ZNF404: variants seen among roughly 807,000 people sequenced by gnomAD.
ZNF404 encodes the protein zinc finger protein 404.
Under a neutral mutation model 7.3 loss-of-function variants are expected in ZNF404, and 7 were observed. The ratio of observed to expected loss-of-function variants is 0.95; its 90% CI spans 0.54 to 1.79. The LOEUF (loss-of-function observed/expected upper bound fraction) is 1.79. Ranked by LOEUF, ZNF404 falls within the 40% of genes most tolerant of loss-of-function variation. The pLI, the probability that ZNF404 is intolerant of heterozygous loss-of-function variation, is 0.00. For missense variants in ZNF404, 560 were observed against 661.5 expected (o/e 0.85, Z 1.68); for synonymous variants, 191 against 209.9 (o/e 0.91, Z 0.78).
chr19:43,880,118 C>A lies in ZNF404; in HGVS notation c.28G>T (p.Asp10Tyr). The change falls in exon 2 of 3, where the codon GAT (aspartate) becomes TAT (tyrosine). Residue 10 changes from aspartate (D) to tyrosine (Y), a missense_variant. By Grantham distance (160) the Asp-to-Tyr change is radical. Transcript: ENST00000587539. ...TCCTGAGAGAAGTCTATGGCAACAT[C>A]GCTGAATGTCAATGGCACCTGAAAT... The part of the protein sequence containing the change: MARVPLTFS[D>Y]VAIDFSQEEW... The A allele has an allele frequency of 6.2e-7, 1 of 1,611,664 alleles. No individual in the cohort carries two copies. The highest frequency in any genetic ancestry group is 1.3e-5 in the African/African-American group (1 of 74,904).
intron 2 of ZNF404, among the ~76,000 whole-genome samples, chr19:43,879,005 A>G (rs1218196002): frequency 6.6e-6 from 1 of 152,222 alleles, no homozygotes; most frequent in African/African-American, 2.4e-5. Context: ...TAACTTGAAG[A>G]TGCATTAACA....
intron 2 of ZNF404, among the ~76,000 whole-genome samples, chr19:43,876,596 T>C (rs937077796): frequency 1.3e-5 from 2 of 152,122 alleles, no homozygotes; most frequent in Non-Finnish European, 2.9e-5. Context: ...TGAATCTTCC[T>C]GAAAATAAAA....
At chr19:43,880,223 TA>T (rs1235022396) in intron 1 of ZNF404, 87 bp from the exon 2 acceptor site, 2 of 1,157,014 alleles carry the variant, frequency 1.7e-6, no homozygotes, top group Non-Finnish European at 2.5e-6. Context: ...GGGCAATATG[TA>T]AAAAGAAGTA....
rs562731766 is a variant in ZNF404 at position 43,872,860 on chromosome 19, A to AATT, written c.1351_1353dup (p.Asn451dup). 346 of 1,607,876 alleles carry AATT rather than the reference A, an allele frequency of 2.2e-4. 1 individual carries two copies. Among genetic ancestry groups the AATT allele is most frequent in the Non-Finnish European group, 2.8e-4 (331 of 1,176,604 alleles). ...ATTGTCTGATGATAAATTAGTTGAG[A>AATT]ATTAAGTCTAAAGGTTTTTCCACAT... On this transcript the variant is annotated inframe_insertion, in exon 3 of 3. Transcript: ENST00000587539. This position sits in a 1 kb window ranked among gnomAD's most constrained non-coding sequence, Gnocchi z 4.4.
chr19:43,878,280 T>C (rs1368380586), intron 2 of ZNF404, among the ~76,000 whole-genome samples: 1 of 149,716 alleles, frequency 6.7e-6, no homozygotes, highest in African/African-American at 2.5e-5. Flanking sequence ...CCATTCTAAC[T>C]GGTGTGAGAT....
rs557978739 is a variant in ZNF404, at chr19:43,880,108, A to G, written c.38T>C (p.Ile13Thr). The stretch of plus-strand genomic sequence containing the variant: ...TTCCCACTCCTCCTGAGAGAAGTCT[A>G]TGGCAACATCGCTGAATGTCAATGG... The part of the protein sequence containing the change: ...RVPLTFSDVA[I>T]DFSQEEWEYL... Residue 13 changes from isoleucine (I) to threonine (T), a missense_variant, in exon 2 of 3, where the codon ATA (isoleucine) becomes ACA (threonine). Ile to Thr is a moderately conservative substitution (Grantham distance 89, BLOSUM62 -1). Coordinates refer to ENST00000587539, the MANE Select transcript of ZNF404 (RefSeq NM_001033719.3). 3 of 1,613,402 alleles carry G rather than the reference A, an allele frequency of 1.9e-6. No individual in the cohort carries two copies. Among genetic ancestry groups the G allele is most frequent in the East Asian group, 2.2e-5 (1 of 44,850 alleles).
chr19:43,875,605 A>C (rs1971846155), intron 2 of ZNF404, among the ~76,000 whole-genome samples: 1 of 152,214 alleles, frequency 6.6e-6, no homozygotes, highest in African/African-American at 2.4e-5. Flanking sequence ...TGCAACAAAG[A>C]ATATATTGGA....
Position 43,883,937 on chromosome 19 carries a change from A to G in ZNF404, c.9+19T>C, listed in dbSNP as rs1971918298. 1.3e-6 allele frequency: 2 copies of G among 1,598,968 alleles called. No individual in the cohort carries two copies. The highest frequency in any genetic ancestry group is 4.5e-5 in the East Asian group (2 of 44,856). ...AAAAATCACAATAAGTCAGAAAAGC[A>G]AAAGAGACATCAACTCACCCGGGCC... On this transcript the variant is annotated intron_variant, in intron 1 of 2. Transcript: ENST00000587539.
At chr19:43,879,166 A>C (rs1315221958) in intron 2 of ZNF404, among the ~76,000 whole-genome samples, 1 of 152,234 alleles carries the variant, frequency 6.6e-6, no homozygotes, top group African/African-American at 2.4e-5. Flanking sequence ...AGGAAAGCAA[A>C]TAAAAGAATG....
intron 1 of ZNF404, among the ~76,000 whole-genome samples, chr19:43,882,965 G>A (rs188874491): frequency 1.1e-3 from 165 of 152,054 alleles, no homozygotes; most frequent in Non-Finnish European, 1.7e-3. Flanking sequence ...GCTGGGCATG[G>A]TGGCAGGTGC....
At chr19:43,876,659 A>C (rs1313839525) in intron 2 of ZNF404, among the ~76,000 whole-genome samples, 1 of 152,220 alleles carries the variant, frequency 6.6e-6, no homozygotes, top group Non-Finnish European at 1.5e-5. Context: ...AGCAAACAGA[A>C]TATGAAAAGG....
At position 43,872,481 on chromosome 19, in the gene ZNF404, A is replaced by T; in HGVS notation, c.*74T>A. The T allele has an allele frequency of 1.7e-6, 2 of 1,176,510 alleles. No individual in the cohort carries two copies. Among genetic ancestry groups the T allele is most frequent in the Non-Finnish European group, 1.2e-6 (1 of 856,020 alleles). 72.9% of individuals were successfully genotyped at this position (1,176,510 alleles called of 1,614,324 possible). On this transcript the variant is annotated 3_prime_UTR_variant, in exon 3 of 3. Coordinates refer to ENST00000587539, the MANE Select transcript of ZNF404 (RefSeq NM_001033719.3). The surrounding 1 kb of genome is among the most constrained non-coding windows in gnomAD (Gnocchi z 4.4). ...CAAGTATTTATATTCTATATTAACTAGTTTAATCTTCACTATAGCATCATA... is the reference window on the plus strand; with the variant it reads ...CAAGTATTTATATTCTATATTAACTTGTTTAATCTTCACTATAGCATCATA...
intron 1 of ZNF404, 35 bp from the exon 2 acceptor site, chr19:43,880,171 TA>T (rs1391937123): frequency 1.3e-6 from 2 of 1,566,152 alleles, no homozygotes; most frequent in African/African-American, 1.4e-5. Flanking sequence ...TTTGTAAAAG[TA>T]AAGAAGACTT....
In ZNF404 at chr19:43,879,989, A is replaced by G. The variant is rs756868122; in HGVS notation, c.136+21T>C. The G allele has an allele frequency of 1.1e-5, 17 of 1,612,740 alleles. No homozygotes were observed. In the African/African-American group the frequency reaches 2.1e-4, roughly 20 times the overall value. On this transcript the variant is annotated intron_variant, in intron 2 of 2. Coordinates refer to ENST00000587539, the MANE Select transcript of ZNF404 (RefSeq NM_001033719.3). ...TATTCTAGAGAGCATATTGTACATC[A>G]TTTTGTGCAGATATTCTTACCCAAT...
intron 1 of ZNF404, among the ~76,000 whole-genome samples, chr19:43,883,689 C>T (rs1310575822): frequency 6.6e-6 from 1 of 152,180 alleles, no homozygotes; most frequent in Non-Finnish European, 1.5e-5. Context: ...TTTCAAGGTA[C>T]TTCACTCTTT....
chr19:43,883,887 A>G, intron 1 of ZNF404, 69 bp downstream of exon 1: 1 of 1,560,644 alleles, frequency 6.4e-7, no homozygotes, highest in South Asian at 1.1e-5. Context: ...TCAGGATTAA[A>G]AAAATGAAAA....
In ZNF404 at chr19:43,880,150, C is replaced by T. The variant is rs775273154; in HGVS notation, c.10-14G>A. The T allele has an allele frequency of 4.4e-5, 70 of 1,595,800 alleles. No individual in the cohort carries two copies. The highest frequency in any genetic ancestry group is 2.6e-4 in the South Asian group (23 of 87,874). ...TGTCAATGGCACCTGAAATGACAAA[C>T]CTGTGTATTATTTGTAAAAGTAAAG... On this transcript the variant is annotated splice_polypyrimidine_tract_variant and intron_variant, in intron 1 of 2. Coordinates refer to ENST00000587539, the MANE Select transcript of ZNF404 (RefSeq NM_001033719.3).
chr19:43,873,113 G>A lies in ZNF404; in HGVS notation c.1101C>T (p.Gly367=). ...TTCTCTGATGCTGTGTAAGTTGAGA[G>A]CCTCTACAAAAGGCCTTTCCACAAT... The part of the protein sequence containing the change: ...CKDCGKAFCR[G]SQLTQHQRIH... The change falls in exon 3 of 3, where the codon GGC becomes GGT. Residue 367 remains glycine (G), a synonymous_variant. Transcript: ENST00000587539. The A allele has an allele frequency of 1.9e-6, 3 of 1,613,098 alleles. No homozygotes were observed. In the South Asian group the frequency reaches 3.3e-5, roughly 18 times the overall value.
At chr19:43,877,650 G>T in intron 2 of ZNF404, among the ~76,000 whole-genome samples, 1 of 149,356 alleles carries the variant, frequency 6.7e-6, no homozygotes. Flanking sequence ...AGTTACATAC[G>T]TATACATGTG....
Sources: allele counts gnomAD v4.1 joint callset (sites outside exome capture counted in the v4.1 genomes callset), GRCh38; gene constraint gnomAD v4.1.1; non-coding constraint Gnocchi (gnomAD v3.1); transcripts MANE v1.5; gene names NCBI Gene and HGNC (gene_info 2026-07-23, HGNC 2026-07-21).